The following ANKS1B variants were observed in gnomAD, a reference collection of about 807,000 sequenced individuals.
The protein encoded by ANKS1B is ankyrin repeat and sterile alpha motif domain-containing protein 1B.
ANKS1B carries 36 observed loss-of-function variants against 148.3 expected under a neutral mutation model. The ratio of observed to expected loss-of-function variants is 0.24; its 90% confidence interval spans 0.19 to 0.32. The LOEUF (loss-of-function observed/expected upper bound fraction) is 0.32, where lower values mean the gene tolerates loss of function less well. Ranked by LOEUF, ANKS1B falls within the 10% of genes least tolerant of loss-of-function variation. The pLI is 1.00. For missense variants in ANKS1B, 1,157 were observed against 1,542.6 expected (o/e 0.75, Z 4.19); for synonymous variants, 542 against 560.8 (o/e 0.97, Z 0.47).
intron 12 of ANKS1B, among the ~76,000 whole-genome samples, chr12:99,345,664 G>A (rs944932629): frequency 1.3e-5 from 2 of 151,880 alleles, no homozygotes; most frequent in African/African-American, 4.8e-5. Context: ...TGAAAATAGT[G>A]TCTGTGGGTT....
At chr12:99,705,329 C>T (rs994055470) in intron 8 of ANKS1B, among the ~76,000 whole-genome samples, 4 of 152,062 alleles carry the variant, frequency 2.6e-5, no homozygotes, top group African/African-American at 9.7e-5. Context: ...AACAGGTATA[C>T]TGGATGTTGA....
intron 17 of ANKS1B, among the ~76,000 whole-genome samples, chr12:98,938,223 T>TA (rs1461031910): frequency 2.0e-5 from 3 of 152,226 alleles, no homozygotes; most frequent in Non-Finnish European, 4.4e-5. Flanking sequence ...TATAGCATGT[T>TA]AAAATCTCCA....
intron 12 of ANKS1B, among the ~76,000 whole-genome samples, chr12:99,378,304 G>C (rs182317529): frequency 1.3e-5 from 2 of 152,104 alleles, no homozygotes; most frequent in African/African-American, 4.8e-5. Context: ...GAAACCCAAT[G>C]AGATTCATAG....
intron 1 of ANKS1B, among the ~76,000 whole-genome samples, chr12:99,857,945 A>G (rs1289645913): frequency 2.6e-5 from 4 of 152,152 alleles, no homozygotes; most frequent in Non-Finnish European, 4.4e-5. Context: ...TAGAAGACAC[A>G]TTGGAAAAAC....
intron 1 of ANKS1B, among the ~76,000 whole-genome samples, chr12:99,944,489 T>C (rs1753962689): frequency 1.3e-5 from 2 of 152,136 alleles, no homozygotes; most frequent in Non-Finnish European, 2.9e-5. Context: ...CTAGATACAA[T>C]GTGATGTTGT....
chr12:98,936,692 C>T (rs2099819065), intron 17 of ANKS1B, among the ~76,000 whole-genome samples: 1 of 151,908 alleles, frequency 6.6e-6, no homozygotes, highest in Non-Finnish European at 1.5e-5. Flanking sequence ...CTATTCTATT[C>T]TTCACTTGTT....
chr12:99,516,821 T>C (rs12369829), intron 9 of ANKS1B, among the ~76,000 whole-genome samples: 2,214 of 152,208 alleles, frequency 0.015, 37 homozygotes, highest in Middle Eastern at 0.017. Context: ...ATGAGTTCAC[T>C]GTAGATGTGT....
chr12:99,655,864 G>C (rs192065323), intron 8 of ANKS1B, among the ~76,000 whole-genome samples: 65 of 152,136 alleles, frequency 4.3e-4, no homozygotes, highest in African/African-American at 1.4e-3. Flanking sequence ...AGTAACTTTT[G>C]GATAACAGAT....
chr12:99,430,455 A>G (rs574243691), intron 11 of ANKS1B, among the ~76,000 whole-genome samples: 69 of 152,344 alleles, frequency 4.5e-4, no homozygotes, highest in African/African-American at 1.6e-3. Context: ...AAGTAAGTGT[A>G]GTGAGTCTTA....
intron 14 of ANKS1B, among the ~76,000 whole-genome samples, chr12:99,159,366 T>C (rs920045893): frequency 6.6e-6 from 1 of 152,088 alleles, no homozygotes; most frequent in African/African-American, 2.4e-5. Context: ...TTTTCATACA[T>C]TGTCCCCCTC....
At chr12:99,222,838 T>A (rs553448126) in intron 14 of ANKS1B, among the ~76,000 whole-genome samples, 1 of 152,332 alleles carries the variant, frequency 6.6e-6, no homozygotes, top group Admixed American at 6.5e-5. Flanking sequence ...AGAACACTTC[T>A]AACACTGGAA....
At chr12:98,959,414 T>C (rs781109964) in intron 17 of ANKS1B, among the ~76,000 whole-genome samples, 1 of 152,172 alleles carries the variant, frequency 6.6e-6, no homozygotes, top group African/African-American at 2.4e-5. Context: ...CATGTGTCTC[T>C]TCCTGCTAAG....
chr12:99,526,316 G>C (rs2096925837), intron 9 of ANKS1B, among the ~76,000 whole-genome samples: 1 of 152,120 alleles, frequency 6.6e-6, no homozygotes, highest in Non-Finnish European at 1.5e-5. Flanking sequence ...TAGAACTTTT[G>C]CCATGTTAAA....
chr12:99,875,417 A>C (rs2091958339), intron 1 of ANKS1B, among the ~76,000 whole-genome samples: 1 of 151,142 alleles, frequency 6.6e-6, no homozygotes, highest in South Asian at 2.1e-4. Context: ...TTGTGCCCCA[A>C]ATCATTTACA....
chr12:99,782,358 GAGACC>G (rs2064432719), intron 4 of ANKS1B, among the ~76,000 whole-genome samples: 1 of 152,110 alleles, frequency 6.6e-6, no homozygotes, highest in Non-Finnish European at 1.5e-5. Context: ...TCAGGAGTTC[GAGACC>G]AGCCTGGCCA....
In ANKS1B at chr12:99,817,170, C is replaced by G. The variant is rs879746800; in HGVS notation, c.216-4859G>C. On this transcript the variant is annotated intron_variant, in intron 2 of 26. Coordinates refer to ENST00000683438, the MANE Select transcript of ANKS1B (RefSeq NM_001352186.2). ...TTAATCAAATCTCTTCTCCCCCCCC[C>G]CTTTCCTTCAAAGCCTCCTATAAAT... Among the ~76,000 whole-genome samples, 101 of 149,730 alleles carry G rather than the reference C, an allele frequency of 6.7e-4. 1 individual carries two copies. Among genetic ancestry groups the G allele is most frequent in the Non-Finnish European group, 1.2e-3 (82 of 67,158 alleles).
At chr12:99,947,444 C>G (rs1002926615) in intron 1 of ANKS1B, among the ~76,000 whole-genome samples, 2 of 151,916 alleles carry the variant, frequency 1.3e-5, no homozygotes, top group Admixed American at 1.3e-4. Context: ...AAAATTGAGA[C>G]AGTGAGTTTA....
intron 9 of ANKS1B, among the ~76,000 whole-genome samples, chr12:99,517,030 G>T (rs1427970010): frequency 6.6e-6 from 1 of 152,034 alleles, no homozygotes; most frequent in Admixed American, 6.6e-5. Flanking sequence ...TTTTAGAATT[G>T]CATTTTCTAT....
At chr12:99,471,620 G>C (rs569362014) in intron 10 of ANKS1B, among the ~76,000 whole-genome samples, 12 of 151,462 alleles carry the variant, frequency 7.9e-5, no homozygotes, top group Non-Finnish European at 1.6e-4. Context: ...GTAATGAGTA[G>C]ACATAAAACA....
Sources: gnomAD v4.1 joint callset for allele counts (sites outside exome capture counted in the v4.1 genomes callset) on GRCh38, gnomAD v4.1.1 for gene constraint, MANE v1.5 for transcripts, NCBI Gene and HGNC (gene_info 2026-07-23, HGNC 2026-07-21) for gene names.